PIEZO2: variants seen among roughly 807,000 people sequenced by gnomAD.
The protein encoded by PIEZO2 is piezo type mechanosensitive ion channel component 2.
In PIEZO2, 172 loss-of-function variants were observed where a neutral mutation model predicts 337.3. The observed-to-expected ratio is 0.51, with a 90% CI of 0.45 to 0.58. PIEZO2 has a LOEUF of 0.58. Among genes scored for constraint, PIEZO2 ranks in the 20% least tolerant of loss-of-function variants. The pLI, the probability that PIEZO2 is intolerant of heterozygous loss-of-function variation, is 0.00. For synonymous variants in PIEZO2, 1,251 were observed against 1,228.5 expected (o/e 1.02, Z -0.38); for missense variants, 3,028 against 3,391.3 (o/e 0.89, Z 2.66).
rs774320892 is a variant in PIEZO2, at chr18:10,795,245, T to C, written c.1528-243A>G. On this transcript the variant is annotated intron_variant, in intron 12 of 55. Coordinates refer to ENST00000674853, the MANE Select transcript of PIEZO2 (RefSeq NM_001378183.1). The surrounding 1 kb of genome is among the most constrained non-coding windows in gnomAD (Gnocchi z 4.4). ...CAGAATGGTACCGGACAAGGGCACA[T>C]TTTTAATGAAGGATTGTGTTGTTTT... Among the ~76,000 whole-genome samples, 22 of 152,346 alleles carry C rather than the reference T, an allele frequency of 1.4e-4. No individual in the cohort carries two copies. Among genetic ancestry groups the C allele is most frequent in the African/African-American group, 4.3e-4 (18 of 41,580 alleles).
intron 7 of PIEZO2, among the ~76,000 whole-genome samples, chr18:10,816,522 A>T (rs1237444522): frequency 6.6e-6 from 1 of 152,236 alleles, no homozygotes; most frequent in Non-Finnish European, 1.5e-5. Flanking sequence ...AAAAATAATC[A>T]GAAATGTTTT....
At chr18:11,113,985 T>C (rs763477585) in intron 1 of PIEZO2, among the ~76,000 whole-genome samples, 13 of 152,246 alleles carry the variant, frequency 8.5e-5, no homozygotes, top group Non-Finnish European at 1.5e-4. Context: ...CAAAGCCAAG[T>C]CTATGACAAC....
At position 10,837,891 on chromosome 18, in the gene PIEZO2, A is replaced by G. The variant is rs1265588997; in HGVS notation, c.917+17462T>C. ...CTCAGCCTCCCGAGTAGCTGGGATTACTGGTGCCTGCCACCATGCCCGGCT... is the reference window on the plus strand; with the variant it reads ...CTCAGCCTCCCGAGTAGCTGGGATTGCTGGTGCCTGCCACCATGCCCGGCT... On this transcript the variant is annotated intron_variant, in intron 7 of 55. Coordinates refer to ENST00000674853, the MANE Select transcript of PIEZO2 (RefSeq NM_001378183.1). The surrounding 1 kb of genome is among the most constrained non-coding windows in gnomAD (Gnocchi z 4.4). 6.6e-6 allele frequency among the ~76,000 whole-genome samples: 1 copy of G among 152,114 alleles called. No individual in the cohort carries two copies. The highest frequency in any genetic ancestry group is 6.5e-5 in the Admixed American group (1 of 15,284).
At chr18:11,135,120 G>A (rs905746640) in intron 1 of PIEZO2, among the ~76,000 whole-genome samples, 1 of 152,114 alleles carries the variant, frequency 6.6e-6, no homozygotes, top group Admixed American at 6.5e-5. Flanking sequence ...ACACAGATGG[G>A]AATATTTAGA....
At chr18:10,867,357 T>C (rs1568145636) in intron 5 of PIEZO2, among the ~76,000 whole-genome samples, 2 of 152,186 alleles carry the variant, frequency 1.3e-5, no homozygotes, top group African/African-American at 2.4e-5. Context: ...CACAGCCCAT[T>C]TGGTCATGTC....
intron 2 of PIEZO2, among the ~76,000 whole-genome samples, chr18:11,062,193 A>C (rs1413827216): frequency 6.6e-6 from 1 of 151,788 alleles, no homozygotes; most frequent in South Asian, 2.1e-4. Context: ...TGCTGGGAAA[A>C]CTGGCTAGCC....
chr18:10,846,139 T>C lies in PIEZO2; in HGVS notation c.917+9214A>G, dbSNP rs1178352184. On this transcript the variant is annotated intron_variant, in intron 7 of 55. Transcript: ENST00000674853. The surrounding 1 kb of genome is among the most constrained non-coding windows in gnomAD (Gnocchi z 4.1). ...TGCTGAAAGTGACATACCCAAGACTTGGCAATTTACAAAAGAATGAGGTTT... is the reference window on the plus strand; with the variant it reads ...TGCTGAAAGTGACATACCCAAGACTCGGCAATTTACAAAAGAATGAGGTTT... Among the ~76,000 whole-genome samples the C allele has an allele frequency of 6.6e-6, 1 of 152,338 alleles. No homozygotes were observed. The highest frequency in any genetic ancestry group is 1.9e-4 in the East Asian group (1 of 5,186).
intron 1 of PIEZO2, among the ~76,000 whole-genome samples, chr18:11,072,248 G>T (rs2145942217): frequency 6.6e-6 from 1 of 152,204 alleles, no homozygotes; most frequent in East Asian, 1.9e-4. Context: ...CTTACAAAAT[G>T]AATGAATGAA....
intron 3 of PIEZO2, among the ~76,000 whole-genome samples, chr18:10,926,317 A>G (rs2031737355): frequency 6.6e-6 from 1 of 152,198 alleles, no homozygotes; most frequent in Non-Finnish European, 1.5e-5. Flanking sequence ...CCATGGTAGG[A>G]GTATTTAAGC....
chr18:10,774,172 C>G (rs577081794), intron 18 of PIEZO2, 134 bp from the exon 19 acceptor site: 2 of 648,774 alleles, frequency 3.1e-6, no homozygotes, highest in African/African-American at 1.8e-5. Context: ...CAGTAACGCC[C>G]TAATGCCAAA....
At chr18:11,022,156 T>C (rs1383158498) in intron 2 of PIEZO2, among the ~76,000 whole-genome samples, 2 of 152,154 alleles carry the variant, frequency 1.3e-5, no homozygotes, top group Non-Finnish European at 2.9e-5. Context: ...TCAGCCGGCA[T>C]GCCATGGTCC....
chr18:10,712,751 G>T (rs1463024181), intron 39 of PIEZO2, among the ~76,000 whole-genome samples: 1 of 152,180 alleles, frequency 6.6e-6, no homozygotes, highest in African/African-American at 2.4e-5. Context: ...TTCTTGGGTA[G>T]AAAGACACTG....
intron 39 of PIEZO2, among the ~76,000 whole-genome samples, chr18:10,714,014 G>A (rs2035917137): frequency 1.3e-5 from 2 of 152,172 alleles, no homozygotes; most frequent in South Asian, 4.2e-4. Flanking sequence ...ATACTAGGGT[G>A]GTTGAGAGCT....
intron 43 of PIEZO2, among the ~76,000 whole-genome samples, chr18:10,700,883 AACCCAATG>A (rs769794093): frequency 3.3e-5 from 5 of 152,212 alleles, no homozygotes; most frequent in Non-Finnish European, 5.9e-5. Flanking sequence ...AACCTGCCAC[AACCCAATG>A]ACCCAGCTAA....
rs1292419658 is a variant in PIEZO2 at position 11,092,473 on chromosome 18, G to A, written c.65-26251C>T. Among the ~76,000 whole-genome samples, 3 of 152,146 alleles carry A rather than the reference G, an allele frequency of 2.0e-5. No individual in the cohort carries two copies. The highest frequency in any genetic ancestry group is 2.9e-5 in the Non-Finnish European group (2 of 68,036). ...TAACAGCAGTAATTATCACTCCATA[G>A]TTTAGAAACGATTTGTATTCCGTGG... is the stretch of plus-strand genomic sequence containing the variant. On this transcript the variant is annotated intron_variant, in intron 1 of 55. Transcript: ENST00000674853. This position sits in a 1 kb window ranked among gnomAD's most constrained non-coding sequence, Gnocchi z 4.5.
chr18:10,692,286 A>G lies in PIEZO2; in HGVS notation c.7191-903T>C, dbSNP rs138818577. On this transcript the variant is annotated intron_variant, in intron 47 of 55. Coordinates refer to ENST00000674853, the MANE Select transcript of PIEZO2 (RefSeq NM_001378183.1). ...GCAGCATTCTCCAAATGTCTTAAAC[A>G]TGGTCAGTACAGATTTTAAAAAGGA... is the stretch of plus-strand genomic sequence containing the variant. 9.4e-4 allele frequency among the ~76,000 whole-genome samples: 143 copies of G among 152,366 alleles called. No individual in the cohort carries two copies. In the East Asian group the frequency reaches 0.023, roughly 24 times the overall value.
chr18:10,955,089 G>A (rs764947366), intron 3 of PIEZO2, among the ~76,000 whole-genome samples: 58 of 152,268 alleles, frequency 3.8e-4, no homozygotes, highest in Non-Finnish European at 7.5e-4. Context: ...AAGGAAAGCC[G>A]AGAGAGATGT....
Position 10,953,639 on chromosome 18 carries a change from C to T in PIEZO2, c.286+25896G>A, listed in dbSNP as rs143380139. Among the ~76,000 whole-genome samples the T allele has an allele frequency of 2.6e-5, 4 of 152,006 alleles. No homozygotes were observed. Among genetic ancestry groups the T allele is most frequent in the East Asian group, 1.9e-4 (1 of 5,172 alleles). On this transcript the variant is annotated intron_variant, in intron 3 of 55. Coordinates refer to ENST00000674853, the MANE Select transcript of PIEZO2 (RefSeq NM_001378183.1). The surrounding 1 kb of genome is among the most constrained non-coding windows in gnomAD (Gnocchi z 5.2). ...TGGTTTTATAGTGCTATGATGACCT[C>T]GTATTCACCTCATTAGTGAGGAAGG...
At position 10,979,713 on chromosome 18, in the gene PIEZO2, G is replaced by A; in HGVS notation, c.161-53C>T. On this transcript the variant is annotated intron_variant, in intron 2 of 55. Coordinates refer to ENST00000674853, the MANE Select transcript of PIEZO2 (RefSeq NM_001378183.1). The surrounding 1 kb of genome is among the most constrained non-coding windows in gnomAD (Gnocchi z 4.0). ...GAGAGAGCTTAAGATGAAACACACT[G>A]GTGCTGTCTCTTGTACATATTTCTG... 1 of 1,464,388 alleles carries A rather than the reference G, an allele frequency of 6.8e-7. No homozygotes were observed. Among genetic ancestry groups the A allele is most frequent in the Non-Finnish European group, 9.1e-7 (1 of 1,099,880 alleles). The allele number at this position is 1,464,388 out of a possible 1,614,324, so 90.7% of individuals were successfully genotyped here.
Sources: allele counts gnomAD v4.1 joint callset (sites outside exome capture counted in the v4.1 genomes callset), GRCh38; gene constraint gnomAD v4.1.1; non-coding constraint Gnocchi (gnomAD v3.1); transcripts MANE v1.5; gene names NCBI Gene and HGNC (gene_info 2026-07-23, HGNC 2026-07-21).